Variants in ATRNL1 observed in about 807,000 individuals in gnomAD.
ATRNL1 encodes attractin-like protein 1.
In ATRNL1, 95 loss-of-function variants were observed where a neutral mutation model predicts 182.7. That is an observed-to-expected ratio of 0.52 (90% confidence interval 0.44 to 0.62). ATRNL1 has a LOEUF of 0.62. Ranked by LOEUF, ATRNL1 falls within the 20% of genes least tolerant of loss-of-function variation. The pLI, the probability that ATRNL1 is intolerant of heterozygous loss-of-function variation, is 0.00. For missense variants in ATRNL1, 1,471 were observed against 1,679.5 expected (o/e 0.88, Z 2.17); for synonymous variants, 576 against 568.3 (o/e 1.01, Z -0.19).
At chr10:115,682,431 G>A (rs78615428) in intron 26 of ATRNL1, among the ~76,000 whole-genome samples, 1 of 151,992 alleles carries the variant, frequency 6.6e-6, no homozygotes, top group Non-Finnish European at 1.5e-5. Context: ...CAGCGACTTG[G>A]GGGGCTGGTA....
At chr10:115,566,557 A>T (rs1338345095) in intron 26 of ATRNL1, among the ~76,000 whole-genome samples, 2 of 152,142 alleles carry the variant, frequency 1.3e-5, no homozygotes, top group Admixed American at 1.3e-4. Flanking sequence ...CTATTTTAGG[A>T]CAGTTGAGTT....
intron 19 of ATRNL1, among the ~76,000 whole-genome samples, chr10:115,342,601 AT>A (rs1855802745): frequency 6.6e-6 from 1 of 152,136 alleles, no homozygotes; most frequent in Non-Finnish European, 1.5e-5. Context: ...TAGTCTTTCT[AT>A]GTAGGATAAG....
At chr10:115,273,691 A>G (rs1554913967) in intron 13 of ATRNL1, among the ~76,000 whole-genome samples, 1 of 152,206 alleles carries the variant, frequency 6.6e-6, no homozygotes, top group Non-Finnish European at 1.5e-5. Context: ...ATTGTGCAGA[A>G]CCATCTGTAA....
chr10:115,826,543 T>G (rs1555092047), intron 27 of ATRNL1, among the ~76,000 whole-genome samples: 1 of 152,112 alleles, frequency 6.6e-6, no homozygotes, highest in Non-Finnish European at 1.5e-5. Context: ...CTGCAGCTGG[T>G]GAGCAGGGGT....
intron 21 of ATRNL1, among the ~76,000 whole-genome samples, chr10:115,440,844 C>T (rs1428054546): frequency 2.0e-5 from 3 of 151,848 alleles, no homozygotes; most frequent in African/African-American, 7.2e-5. Context: ...TGCAAAACTA[C>T]CTGGTGTTTT....
At chr10:115,728,497 T>C (rs1429250082) in intron 27 of ATRNL1, among the ~76,000 whole-genome samples, 2 of 152,108 alleles carry the variant, frequency 1.3e-5, no homozygotes, top group Non-Finnish European at 1.5e-5. Flanking sequence ...TAAAAATGTC[T>C]TTATTTGACT....
At chr10:115,304,092 C>T (rs782812370) in intron 17 of ATRNL1, among the ~76,000 whole-genome samples, 2 of 152,088 alleles carry the variant, frequency 1.3e-5, no homozygotes, top group Non-Finnish European at 2.9e-5. Context: ...ACTGGTTTCC[C>T]TCTGACCCTT....
intron 21 of ATRNL1, among the ~76,000 whole-genome samples, chr10:115,429,127 G>A (rs1195627379): frequency 2.0e-5 from 3 of 151,966 alleles, no homozygotes; most frequent in Non-Finnish European, 4.4e-5. Flanking sequence ...TTGATGCCTT[G>A]AAAATGATTT....
intron 21 of ATRNL1, among the ~76,000 whole-genome samples, chr10:115,444,071 AAT>A (rs1373214025): frequency 6.6e-6 from 1 of 152,160 alleles, no homozygotes; most frequent in Non-Finnish European, 1.5e-5. Context: ...AGTTAATAGA[AAT>A]ATGAATTATA....
chr10:115,376,388 A>G lies in ATRNL1; in HGVS notation c.3176-18271A>G, dbSNP rs191411161. Reference sequence around the variant, plus strand: ...CATTGTAACTTCAAATTCTAGGTCAAGCAATCCTCCTGCCTTGGCCTCCCC... The same window carrying G: ...CATTGTAACTTCAAATTCTAGGTCAGGCAATCCTCCTGCCTTGGCCTCCCC... On this transcript the variant is annotated intron_variant, in intron 19 of 28. Transcript: ENST00000355044. 1.2e-4 allele frequency among the ~76,000 whole-genome samples: 19 copies of G among 152,234 alleles called. No individual in the cohort carries two copies. The East Asian group carries it at 3.7e-3, about 29-fold the overall frequency.
rs1554862055 is a variant in ATRNL1, at chr10:115,093,511, C to T, written c.-240C>T. 3 of 657,646 alleles carry T rather than the reference C, an allele frequency of 4.6e-6. No homozygotes were observed. Among genetic ancestry groups the T allele is most frequent in the Non-Finnish European group, 8.3e-6 (3 of 362,420 alleles). 40.7% of individuals were successfully genotyped at this position (657,646 alleles called of 1,614,324 possible). A position where few individuals can be genotyped will look rare whatever the true frequency, so the allele number is the denominator to read the frequency against. On this transcript the variant is annotated 5_prime_UTR_variant, in exon 1 of 29. Coordinates refer to ENST00000355044, the MANE Select transcript of ATRNL1 (RefSeq NM_207303.4). The surrounding 1 kb of genome is among the most constrained non-coding windows in gnomAD (Gnocchi z 6.1). ...CGGGACGCCGCGGCTGTGGGGTCGGCCCGCTAAGGACAAGGTCGGGAGACT... is the reference window on the plus strand; with the variant it reads ...CGGGACGCCGCGGCTGTGGGGTCGGTCCGCTAAGGACAAGGTCGGGAGACT...
chr10:115,624,698 C>G (rs1857981533), intron 26 of ATRNL1, among the ~76,000 whole-genome samples: 1 of 152,110 alleles, frequency 6.6e-6, no homozygotes, highest in Admixed American at 6.5e-5. Context: ...ACCCCTCCCC[C>G]ACTGTTTGGA....
At chr10:115,118,949 T>A (rs1392033467) in intron 1 of ATRNL1, among the ~76,000 whole-genome samples, 1 of 152,266 alleles carries the variant, frequency 6.6e-6, no homozygotes, top group East Asian at 1.9e-4. Context: ...ATTTAACTTG[T>A]TACTTAAAAT....
intron 25 of ATRNL1, among the ~76,000 whole-genome samples, chr10:115,536,752 T>C (rs1490649194): frequency 1.3e-5 from 2 of 152,234 alleles, no homozygotes; most frequent in African/African-American, 4.8e-5. Context: ...TCAGCCATCT[T>C]GGCTCCTCCC....
At chr10:115,333,360 A>C (rs946141206) in intron 18 of ATRNL1, among the ~76,000 whole-genome samples, 4 of 152,348 alleles carry the variant, frequency 2.6e-5, no homozygotes, top group Middle Eastern at 3.4e-3. Flanking sequence ...TTACACAGAT[A>C]TATAAACAAT....
chr10:115,328,127 A>G (rs1855013543), intron 18 of ATRNL1, among the ~76,000 whole-genome samples: 1 of 152,058 alleles, frequency 6.6e-6, no homozygotes, highest in Non-Finnish European at 1.5e-5. Context: ...CAGTACCTTA[A>G]GCTTTTAAGG....
At chr10:115,563,072 C>T (rs897727958) in intron 26 of ATRNL1, among the ~76,000 whole-genome samples, 4 of 152,152 alleles carry the variant, frequency 2.6e-5, no homozygotes, top group Non-Finnish European at 5.9e-5. Flanking sequence ...TATGAAAGAA[C>T]ATACCTGAGG....
chr10:115,181,660 C>A (rs1191039011), intron 8 of ATRNL1, among the ~76,000 whole-genome samples: 4 of 151,550 alleles, frequency 2.6e-5, no homozygotes, highest in Non-Finnish European at 3.0e-5. Context: ...TTATTTCCAA[C>A]TATGCTAAAA....
chr10:115,728,183 T>G (rs11197425), intron 27 of ATRNL1, among the ~76,000 whole-genome samples: 1,510 of 147,308 alleles, frequency 0.01, 25 homozygotes, highest in African/African-American at 0.036. Flanking sequence ...TGGTCCCAGC[T>G]GCTCAGGAGA....
Sources: allele counts gnomAD v4.1 joint callset (sites outside exome capture counted in the v4.1 genomes callset), GRCh38; gene constraint gnomAD v4.1.1; non-coding constraint Gnocchi (gnomAD v3.1); transcripts MANE v1.5; gene names NCBI Gene and HGNC (gene_info 2026-07-23, HGNC 2026-07-21).